The following MAGI2 variants were observed in gnomAD, a reference collection of about 807,000 sequenced individuals.
The protein encoded by MAGI2 is membrane-associated guanylate kinase, WW and PDZ domain-containing protein 2.
MAGI2 carries 35 observed loss-of-function variants against 133.3 expected under a neutral mutation model. That is an observed-to-expected ratio of 0.26 (90% CI 0.20 to 0.35). The LOEUF is 0.35. Ranked by LOEUF, MAGI2 falls within the 10% of genes least tolerant of loss-of-function variation. MAGI2 has a pLI of 1.00. For missense variants in MAGI2, 1,636 were observed against 1,863.4 expected (o/e 0.88, Z 2.25); for synonymous variants, 729 against 710.6 (o/e 1.03, Z -0.41).
intron 2 of MAGI2, among the ~76,000 whole-genome samples, chr7:78,638,073 T>G (rs933344281): frequency 7.2e-6 from 1 of 138,896 alleles, no homozygotes; most frequent in African/African-American, 2.7e-5. Context: ...AAGAAAAAAA[T>G]AAAAAGAAAA....
chr7:78,173,608 A>G lies in MAGI2; in HGVS notation c.2403+4403T>C, dbSNP rs146861061. ...AATATTTATTTTATAGTTTAATGTT[A>G]TTTGTATTTCTTAATGGGAGAAAGG... On this transcript the variant is annotated intron_variant, in intron 14 of 21. Transcript: ENST00000354212. 6.6e-3 allele frequency among the ~76,000 whole-genome samples: 1,005 copies of G among 152,294 alleles called. 7 individuals are homozygous for G. The highest frequency in any genetic ancestry group is 0.023 in the African/African-American group (951 of 41,568).
At chr7:79,422,985 T>G (rs947481038) in intron 1 of MAGI2, among the ~76,000 whole-genome samples, 1 of 151,934 alleles carries the variant, frequency 6.6e-6, no homozygotes. Context: ...AACAAACTCA[T>G]GAAACATAAG....
intron 5 of MAGI2, among the ~76,000 whole-genome samples, chr7:78,493,569 C>T (rs1023600481): frequency 2.6e-5 from 4 of 151,954 alleles, no homozygotes; most frequent in South Asian, 2.1e-4. Flanking sequence ...ACAGCTAGTG[C>T]GTGAAACTGA....
At position 79,186,763 on chromosome 7, in the gene MAGI2, A is replaced by ATACAAAAG. The variant is rs1562974114; in HGVS notation, c.302-179558_302-179557insCTTTTGTA. Among the ~76,000 whole-genome samples, 887 of 111,376 alleles carry ATACAAAAG rather than the reference A, an allele frequency of 8.0e-3. 10 individuals are homozygous for ATACAAAAG. Among genetic ancestry groups the ATACAAAAG allele is most frequent in the African/African-American group, 0.023 (846 of 36,312 alleles). The allele number at this position is 111,376 out of a possible 152,430, so 73.1% of individuals were successfully genotyped here. A position where few individuals can be genotyped will look rare whatever the true frequency, so the allele number is the denominator to read the frequency against. ...TATTTATACAAAAGTATATATATATATATATATATATATACACACACACAA... is the reference window on the plus strand; with the variant it reads ...TATTTATACAAAAGTATATATATATATACAAAAGTATATATATATATACACACACACAA... On this transcript the variant is annotated intron_variant, in intron 1 of 21. Coordinates refer to ENST00000354212, the MANE Select transcript of MAGI2 (RefSeq NM_012301.4).
At chr7:78,157,741 T>C (rs996317441) in intron 16 of MAGI2, among the ~76,000 whole-genome samples, 7 of 152,230 alleles carry the variant, frequency 4.6e-5, no homozygotes, top group African/African-American at 1.7e-4. Flanking sequence ...TGTAAATTAT[T>C]GGAAGGCTGT....
intron 1 of MAGI2, among the ~76,000 whole-genome samples, chr7:79,377,777 A>T (rs538108774): frequency 6.6e-6 from 1 of 151,932 alleles, no homozygotes; most frequent in Non-Finnish European, 1.5e-5. Flanking sequence ...CTACAACAAA[A>T]GTAGGAGATA....
intron 1 of MAGI2, among the ~76,000 whole-genome samples, chr7:79,448,275 A>G (rs1462380465): frequency 2.0e-5 from 3 of 152,090 alleles, no homozygotes; most frequent in African/African-American, 7.2e-5. Flanking sequence ...AATTCTTTTC[A>G]AATAAAATAT....
At chr7:78,972,986 A>C (rs2116017474) in intron 2 of MAGI2, among the ~76,000 whole-genome samples, 1 of 150,228 alleles carries the variant, frequency 6.7e-6, no homozygotes, top group East Asian at 2.0e-4. Context: ...TTTCTTTTTA[A>C]ACAAATCTGG....
intron 2 of MAGI2, among the ~76,000 whole-genome samples, chr7:78,688,816 A>G (rs1336367948): frequency 6.6e-6 from 1 of 152,226 alleles, no homozygotes; most frequent in Non-Finnish European, 1.5e-5. Flanking sequence ...GAACGCTAAA[A>G]TACAACTGAC....
intron 1 of MAGI2, among the ~76,000 whole-genome samples, chr7:79,181,066 G>A (rs570173098): frequency 3.9e-5 from 6 of 152,016 alleles, no homozygotes; most frequent in African/African-American, 1.4e-4. Context: ...TGCTTTCATG[G>A]TCTGGCATTG....
intron 2 of MAGI2, among the ~76,000 whole-genome samples, chr7:78,673,763 C>G (rs897455830): frequency 2.6e-5 from 4 of 152,060 alleles, no homozygotes; most frequent in African/African-American, 9.7e-5. Context: ...TAATCTCATC[C>G]AAAAACACCC....
intron 1 of MAGI2, among the ~76,000 whole-genome samples, chr7:79,103,324 T>G (rs1050034388): frequency 6.6e-6 from 1 of 152,206 alleles, no homozygotes; most frequent in Non-Finnish European, 1.5e-5. Context: ...GCTCCCTGTT[T>G]TTTATACTGT....
chr7:79,087,105 AAAAAG>A (rs1816581734), intron 1 of MAGI2, among the ~76,000 whole-genome samples: 1 of 151,906 alleles, frequency 6.6e-6, no homozygotes, highest in Non-Finnish European at 1.5e-5. Context: ...CTTCATAAAT[AAAAAG>A]AAAAGAAAAA....
At chr7:78,451,535 C>A (rs1351412159) in intron 6 of MAGI2, among the ~76,000 whole-genome samples, 1 of 152,000 alleles carries the variant, frequency 6.6e-6, no homozygotes, top group African/African-American at 2.4e-5. Context: ...GAGGCTGGTG[C>A]CTGCCTCTTT....
At chr7:78,873,093 T>C (rs1426846614) in intron 2 of MAGI2, among the ~76,000 whole-genome samples, 1 of 152,166 alleles carries the variant, frequency 6.6e-6, no homozygotes, top group African/African-American at 2.4e-5. Flanking sequence ...AAGGAAAAGA[T>C]TGTGAACACA....
intron 10 of MAGI2, among the ~76,000 whole-genome samples, chr7:78,243,864 C>T (rs1791451620): frequency 6.6e-6 from 1 of 151,960 alleles, no homozygotes; most frequent in African/African-American, 2.4e-5. Flanking sequence ...CTGGGTTTGT[C>T]ATATTCCAGA....
intron 2 of MAGI2, among the ~76,000 whole-genome samples, chr7:78,841,535 C>T (rs1210174751): frequency 6.6e-6 from 1 of 151,990 alleles, no homozygotes; most frequent in Non-Finnish European, 1.5e-5. Context: ...ACATGCCTCA[C>T]ACATCCCCTC....
At chr7:78,371,862 T>A (rs979234281) in intron 6 of MAGI2, among the ~76,000 whole-genome samples, 2 of 152,086 alleles carry the variant, frequency 1.3e-5, no homozygotes, top group African/African-American at 4.8e-5. Flanking sequence ...TTTTAAGAAC[T>A]GTTAGAGGTC....
chr7:78,444,016 C>A lies in MAGI2; in HGVS notation c.1045+45745G>T, dbSNP rs186997469. Reference sequence around the variant, plus strand: ...AGCGCCACTAGAGTGTAGACTCTCACATGTTTTTCTTAAGGCCATTTTGTG... The same window carrying A: ...AGCGCCACTAGAGTGTAGACTCTCAAATGTTTTTCTTAAGGCCATTTTGTG... On this transcript the variant is annotated intron_variant, in intron 6 of 21. Transcript: ENST00000354212. Among the ~76,000 whole-genome samples the A allele has an allele frequency of 4.0e-5, 6 of 151,658 alleles. No homozygotes were observed. The East Asian group carries it at 9.8e-4, about 25-fold the overall frequency.
Sources: gnomAD v4.1 joint callset for allele counts (sites outside exome capture counted in the v4.1 genomes callset) on GRCh38, gnomAD v4.1.1 for gene constraint, MANE v1.5 for transcripts, NCBI Gene and HGNC (gene_info 2026-07-23, HGNC 2026-07-21) for gene names.